Variants in DNAH11 observed in about 807,000 individuals in gnomAD.
The protein encoded by DNAH11 is dynein axonemal heavy chain 11.
DNAH11 carries 442 observed loss-of-function variants against 526.0 expected under a neutral mutation model. That is an observed-to-expected ratio of 0.84 (90% CI 0.78 to 0.91). The LOEUF (loss-of-function observed/expected upper bound fraction) is 0.91. DNAH11 is among the 40% of genes least tolerant of loss of function. The pLI is 0.00. For synonymous variants in DNAH11, 2,461 were observed against 1,935.9 expected, an observed-to-expected ratio of 1.27 and a Z score of -7.12; for missense variants, 6,989 against 5,448.7, an observed-to-expected ratio of 1.28 and a Z score of -8.90.
At chr7:21,732,968 C>A (rs542458428) in intron 45 of DNAH11, among the ~76,000 whole-genome samples, 1 of 152,168 alleles carries the variant, frequency 6.6e-6, no homozygotes, top group East Asian at 1.9e-4. Context: ...GGCAGTGGGG[C>A]TGCCATGATG....
At position 21,786,907 on chromosome 7, in the gene DNAH11, T is replaced by C; in HGVS notation, c.9741+140T>C. On this transcript the variant is annotated intron_variant, in intron 59 of 81. Coordinates refer to ENST00000409508, the MANE Select transcript of DNAH11 (RefSeq NM_001277115.2). ...TGCTGAATGTAATCTACTGTATATG[T>C]TCTCTAGACTTACAGCTTTTGTTTG... 3.9e-6 allele frequency: 5 copies of C among 1,266,178 alleles called. 1 individual carries two copies. In the South Asian group the frequency reaches 8.4e-5, roughly 21 times the overall value. The allele number at this position is 1,266,178 out of a possible 1,614,324, so 78.4% of individuals were successfully genotyped here. A position where few individuals can be genotyped will look rare whatever the true frequency, so the allele number is the denominator to read the frequency against.
intron 11 of DNAH11, 123 bp downstream of exon 11, chr7:21,588,759 G>C: frequency 8.5e-7 from 1 of 1,177,816 alleles, no homozygotes; most frequent in Non-Finnish European, 1.2e-6. Flanking sequence ...TCTCTCACTG[G>C]TTGGGTTTGT....
chr7:21,607,250 A>G (rs571931606), intron 20 of DNAH11, among the ~76,000 whole-genome samples: 1 of 152,286 alleles, frequency 6.6e-6, no homozygotes, highest in Admixed American at 6.5e-5. Context: ...GATGGAGGCC[A>G]GAAGACTCAG....
chr7:21,677,568 A>G (rs535169059), intron 30 of DNAH11, among the ~76,000 whole-genome samples: 5 of 152,250 alleles, frequency 3.3e-5, no homozygotes, highest in African/African-American at 7.2e-5. Flanking sequence ...TATTTTTAGT[A>G]GAGATGGGGT....
At chr7:21,587,734 T>C (rs1784523838) in intron 9 of DNAH11, among the ~76,000 whole-genome samples, 1 of 152,138 alleles carries the variant, frequency 6.6e-6, no homozygotes, top group African/African-American at 2.4e-5. Context: ...AGTATGTGAA[T>C]CTTGTTTCTA....
At chr7:21,828,701 G>A (rs974557591) in intron 65 of DNAH11, among the ~76,000 whole-genome samples, 6 of 149,206 alleles carry the variant, frequency 4.0e-5, no homozygotes, top group Non-Finnish European at 8.9e-5. Context: ...TGAAGCGTGT[G>A]TAGGTGTGTA....
chr7:21,624,272 T>C (rs1430517023), intron 25 of DNAH11, among the ~76,000 whole-genome samples: 13 of 152,220 alleles, frequency 8.5e-5, no homozygotes, highest in Admixed American at 7.2e-4. Context: ...AGTATACAGA[T>C]ATTTCACCTC....
chr7:21,832,274 G>C (rs61452339), intron 65 of DNAH11, among the ~76,000 whole-genome samples: 4 of 152,050 alleles, frequency 2.6e-5, no homozygotes. Context: ...TTCATATGTC[G>C]ACGGTCTTTA....
intron 30 of DNAH11, among the ~76,000 whole-genome samples, chr7:21,677,276 A>T (rs1354171718): frequency 2.7e-5 from 4 of 150,220 alleles, no homozygotes; most frequent in African/African-American, 9.8e-5. Context: ...TGACATCATC[A>T]TTCAAACAAC....
At position 21,704,532 on chromosome 7, in the gene DNAH11, G is replaced by A. The variant is rs768721682; in HGVS notation, c.6372G>A (p.Leu2124=). The A allele has an allele frequency of 6.2e-7, 1 of 1,613,818 alleles. No homozygotes were observed. Among genetic ancestry groups the A allele is most frequent in the South Asian group, 1.1e-5 (1 of 91,054 alleles). ...LGLVGDLFPA[L]DVPRRRKLHF... The stretch of plus-strand genomic sequence containing the variant: ...TGGTCGGTGACCTGTTTCCAGCCCT[G>A]GATGTGCCCCGGAGGAGGAAGCTGC... The change falls in exon 38 of 82, where the codon CTG becomes CTA. Residue 2124 remains leucine, a synonymous_variant. Coordinates refer to ENST00000409508, the MANE Select transcript of DNAH11 (RefSeq NM_001277115.2).
intron 30 of DNAH11, among the ~76,000 whole-genome samples, chr7:21,663,196 A>G (rs1782301561): frequency 6.6e-6 from 1 of 152,082 alleles, no homozygotes; most frequent in Admixed American, 6.6e-5. Context: ...TTGTATATAT[A>G]TGTCACATTT....
chr7:21,662,085 G>A (rs2128466782), intron 30 of DNAH11, among the ~76,000 whole-genome samples: 1 of 152,182 alleles, frequency 6.6e-6, no homozygotes, highest in African/African-American at 2.4e-5. Flanking sequence ...CTCCCAAAGT[G>A]CTGGGATTAT....
In DNAH11 at chr7:21,847,728, T is replaced by C. The variant is rs902379949; in HGVS notation, c.10897-4739T>C. Among the ~76,000 whole-genome samples, 18 of 152,334 alleles carry C rather than the reference T, an allele frequency of 1.2e-4. 2 individuals are homozygous for C. The highest frequency in any genetic ancestry group is 8.5e-4 in the Admixed American group (13 of 15,296). ...GTTCGACTATATCCTTGCTGATTTT[T>C]TGCCTGCTGGATCTGTCAATTATGA... On this transcript the variant is annotated intron_variant, in intron 66 of 81. Transcript: ENST00000409508.
chr7:21,747,604 A>G (rs905881928), intron 51 of DNAH11, among the ~76,000 whole-genome samples: 1 of 152,264 alleles, frequency 6.6e-6, no homozygotes, highest in Non-Finnish European at 1.5e-5. Context: ...ATAGCATAAT[A>G]TAAATAGATT....
chr7:21,738,960 T>TC, intron 47 of DNAH11, 94 bp downstream of exon 47: 1 of 1,156,474 alleles, frequency 8.6e-7, no homozygotes, highest in Non-Finnish European at 1.2e-6. Context: ...GAATAATTAT[T>TC]ATGGATGAAT....
At chr7:21,647,649 T>A (rs2128462767) in intron 28 of DNAH11, among the ~76,000 whole-genome samples, 1 of 152,076 alleles carries the variant, frequency 6.6e-6, no homozygotes, top group East Asian at 1.9e-4. Context: ...GCCAGGATGG[T>A]CTTGATCTCC....
In DNAH11 at chr7:21,842,452, G is replaced by A. The variant is rs562670577; in HGVS notation, c.10692-92G>A. On this transcript the variant is annotated intron_variant, in intron 65 of 81. Transcript: ENST00000409508. ...TCAATCACCTGAGCTTCTGGCCAAG[G>A]TCCATTATAAGAATACAGGAATGGA... 1.0e-4 allele frequency: 112 copies of A among 1,099,474 alleles called. No homozygotes were observed. The African/African-American group carries it at 1.7e-3, about 16-fold the overall frequency. The allele number at this position is 1,099,474 out of a possible 1,614,324, so 68.1% of individuals were successfully genotyped here.
chr7:21,899,029 T>C (rs1000060788), intron 79 of DNAH11, among the ~76,000 whole-genome samples: 2 of 152,330 alleles, frequency 1.3e-5, no homozygotes, highest in Non-Finnish European at 2.9e-5. Flanking sequence ...TGATGACCTT[T>C]GTATAGTCAC....
chr7:21,735,869 G>A lies in DNAH11; in HGVS notation c.7645+25G>A, dbSNP rs147090526. The A allele has an allele frequency of 5.8e-6, 9 of 1,558,748 alleles. No homozygotes were observed. The East Asian group carries it at 2.0e-4, about 35-fold the overall frequency. On this transcript the variant is annotated intron_variant, in intron 46 of 81. Transcript: ENST00000409508. ...AGTAAGTGCACCTGTTTATTTTCTA[G>A]AAACAAGGGATCAAAAATCATCAAG...
Sources: allele counts gnomAD v4.1 joint callset (sites outside exome capture counted in the v4.1 genomes callset), GRCh38; gene constraint gnomAD v4.1.1; transcripts MANE v1.5; gene names NCBI Gene and HGNC (gene_info 2026-07-23, HGNC 2026-07-21).